Variants in CCSER1 observed in about 807,000 individuals in gnomAD.
CCSER1 encodes the protein coiled-coil serine rich protein 1, also known as serine-rich coiled-coil domain-containing protein 1.
Under a neutral mutation model 82.0 loss-of-function variants are expected in CCSER1, and 41 were observed. The observed-to-expected ratio is 0.50, with a 90% CI of 0.39 to 0.65. CCSER1 has a LOEUF of 0.65. Ranked by LOEUF, CCSER1 falls within the 30% of genes least tolerant of loss-of-function variation. The pLI is 0.00. For missense variants in CCSER1, 1,119 were observed against 1,064.2 expected, an observed-to-expected ratio of 1.05 and a Z score of -0.72; for synonymous variants, 414 against 383.9, an observed-to-expected ratio of 1.08 and a Z score of -0.92.
intron 9 of CCSER1, among the ~76,000 whole-genome samples, chr4:90,978,481 C>T (rs931227543): frequency 6.6e-6 from 1 of 151,054 alleles, no homozygotes; most frequent in African/African-American, 2.5e-5. Context: ...TTCTTTTCTT[C>T]TTCATTGCTT....
chr4:91,079,289 A>G lies in CCSER1; in HGVS notation c.2173-6661A>G, dbSNP rs770499586. On this transcript the variant is annotated intron_variant, in intron 9 of 10. Transcript: ENST00000509176. ...AATATTCAACATTCTTAAAGAAAAG[A>G]ATTTTCAACCAAGAATTTCATATTC... Among the ~76,000 whole-genome samples the G allele has an allele frequency of 1.6e-4, 24 of 152,220 alleles. 1 individual carries two copies. The highest frequency in any genetic ancestry group is 1.5e-5 in the Non-Finnish European group (1 of 68,042).
chr4:90,285,224 A>G (rs553361532), intron 1 of CCSER1, among the ~76,000 whole-genome samples: 1 of 152,100 alleles, frequency 6.6e-6, no homozygotes, highest in African/African-American at 2.4e-5. Context: ...AATCTGTAGA[A>G]TTCTTCAAGT....
intron 1 of CCSER1, among the ~76,000 whole-genome samples, chr4:90,297,729 T>C (rs1404395290): frequency 6.6e-6 from 1 of 152,124 alleles, no homozygotes; most frequent in Non-Finnish European, 1.5e-5. Context: ...GTCAAAGGCC[T>C]TTTCTGCATC....
intron 6 of CCSER1, among the ~76,000 whole-genome samples, chr4:90,682,001 GA>G (rs965905341): frequency 2.3e-4 from 34 of 149,566 alleles, no homozygotes; most frequent in African/African-American, 7.6e-4. Context: ...CAGACTGAAA[GA>G]AAAAAAAATA....
In CCSER1 at chr4:91,517,905, G is replaced by A. The variant is rs76492234; in HGVS notation, c.2218-80667G>A. On this transcript the variant is annotated intron_variant, in intron 10 of 10. Transcript: ENST00000509176. ...AATTTTTGCTTTTGGTTTCACAGGG[G>A]GGGTATGATAGCAAAACATTTTTGA... 6.7e-3 allele frequency among the ~76,000 whole-genome samples: 911 copies of A among 135,934 alleles called. 12 individuals carry two copies. The highest frequency in any genetic ancestry group is 0.024 in the Middle Eastern group (6 of 248). The allele number at this position is 135,934 out of a possible 152,430, so 89.2% of individuals were successfully genotyped here.
At chr4:91,228,602 G>A (rs1393933730) in intron 10 of CCSER1, among the ~76,000 whole-genome samples, 3 of 151,756 alleles carry the variant, frequency 2.0e-5, no homozygotes, top group Non-Finnish European at 2.9e-5. Context: ...AGATCATTTT[G>A]AAATTTAAAT....
chr4:90,299,426 T>C (rs1223786397), intron 1 of CCSER1, among the ~76,000 whole-genome samples: 1 of 152,162 alleles, frequency 6.6e-6, no homozygotes, highest in Non-Finnish European at 1.5e-5. Context: ...ATAGCTAAAT[T>C]ATATACAAAT....
At chr4:90,935,714 T>C (rs1259381787) in intron 9 of CCSER1, among the ~76,000 whole-genome samples, 1 of 152,174 alleles carries the variant, frequency 6.6e-6, no homozygotes, top group Non-Finnish European at 1.5e-5. Flanking sequence ...AGCAGTAACA[T>C]GTATTTGAGG....
At chr4:90,986,843 C>T (rs557552636) in intron 9 of CCSER1, among the ~76,000 whole-genome samples, 17 of 151,808 alleles carry the variant, frequency 1.1e-4, no homozygotes, top group South Asian at 8.3e-4. Context: ...CCCATAACAA[C>T]GCCTTCGGAG....
chr4:91,122,554 C>A (rs1727179138), intron 10 of CCSER1, among the ~76,000 whole-genome samples: 1 of 151,562 alleles, frequency 6.6e-6, no homozygotes, highest in African/African-American at 2.4e-5. Flanking sequence ...TGCAAACAAC[C>A]AAAACTAGAA....
chr4:91,593,397 GA>G lies in CCSER1; in HGVS notation c.2218-5168del, dbSNP rs1309763194. Among the ~76,000 whole-genome samples the G allele has an allele frequency of 4.8e-5, 7 of 146,878 alleles. No homozygotes were observed. In the East Asian group the frequency reaches 1.2e-3, roughly 25 times the overall value. The stretch of plus-strand genomic sequence containing the variant: ...ATAATTTTGTATACAGAAAGCCAAG[GA>G]AAAAAACAGGGTATAATTTTAATAT... On this transcript the variant is annotated intron_variant, in intron 10 of 10. Transcript: ENST00000509176.
intron 10 of CCSER1, among the ~76,000 whole-genome samples, chr4:91,589,574 C>CT (rs11411865): frequency 0.44 from 64,199 of 144,472 alleles, 14,480 homozygotes; most frequent in East Asian, 0.69. Context: ...ACAAGAGGCT[C>CT]TTTTTTTTTT....
chr4:90,401,092 T>G (rs1049398954), intron 4 of CCSER1, among the ~76,000 whole-genome samples: 21 of 152,308 alleles, frequency 1.4e-4, no homozygotes, highest in African/African-American at 4.8e-4. Context: ...TTATCAATTG[T>G]CAAAAGAAGG....
chr4:91,446,034 A>G (rs1426798834), intron 10 of CCSER1, among the ~76,000 whole-genome samples: 1 of 152,084 alleles, frequency 6.6e-6, no homozygotes, highest in Non-Finnish European at 1.5e-5. Flanking sequence ...CAAGTGAATA[A>G]TTGTTGTATA....
At chr4:90,145,445 T>C (rs1725624580) in intron 1 of CCSER1, among the ~76,000 whole-genome samples, 1 of 152,158 alleles carries the variant, frequency 6.6e-6, no homozygotes, top group African/African-American at 2.4e-5. Context: ...GCTGTATCAG[T>C]GTGCTTTTCA....
chr4:91,366,893 C>A (rs1423449915), intron 10 of CCSER1, among the ~76,000 whole-genome samples: 1 of 152,044 alleles, frequency 6.6e-6, no homozygotes, highest in Non-Finnish European at 1.5e-5. Context: ...AGTATAATTA[C>A]CAAATATAGT....
intron 5 of CCSER1, among the ~76,000 whole-genome samples, chr4:90,576,408 G>A (rs1231812202): frequency 6.6e-6 from 1 of 152,010 alleles, no homozygotes; most frequent in Admixed American, 6.6e-5. Context: ...TTACATTACA[G>A]TTCATTCATG....
At chr4:91,164,962 T>C (rs1178958960) in intron 10 of CCSER1, among the ~76,000 whole-genome samples, 1 of 152,216 alleles carries the variant, frequency 6.6e-6, no homozygotes, top group Admixed American at 6.5e-5. Flanking sequence ...TCCGTCCACC[T>C]TTTTTCCATT....
chr4:90,147,796 C>A (rs1726097835), intron 1 of CCSER1, among the ~76,000 whole-genome samples: 1 of 152,020 alleles, frequency 6.6e-6, no homozygotes. Context: ...AGATTGTGAA[C>A]ATATGCTATG....
Sources: allele counts gnomAD v4.1 joint callset (sites outside exome capture counted in the v4.1 genomes callset), GRCh38; gene constraint gnomAD v4.1.1; transcripts MANE v1.5; gene names NCBI Gene and HGNC (gene_info 2026-07-23, HGNC 2026-07-21).